Variants in DPP10 observed in about 807,000 individuals in gnomAD.
DPP10 encodes the protein inactive dipeptidyl peptidase 10.
Under a neutral mutation model 120.9 loss-of-function variants are expected in DPP10, and 33 were observed. The observed-to-expected ratio is 0.27, with a 90% CI of 0.21 to 0.37. The LOEUF (loss-of-function observed/expected upper bound fraction) is 0.37. DPP10 is among the 10% of genes least tolerant of loss of function. DPP10 has a pLI of 1.00. For synonymous variants in DPP10, 337 were observed against 326.1 expected, an observed-to-expected ratio of 1.03 and a Z score of -0.36; for missense variants, 816 against 942.8, an observed-to-expected ratio of 0.87 and a Z score of 1.76.
intron 7 of DPP10, 116 bp from the exon 8 acceptor site, chr2:115,727,700 C>G (rs2092799228): frequency 3.4e-6 from 4 of 1,171,992 alleles, no homozygotes; most frequent in Non-Finnish European, 4.5e-6. Context: ...ATAAAAACAA[C>G]TTGAAGCCCG....
intron 1 of DPP10, among the ~76,000 whole-genome samples, chr2:114,587,011 GC>G (rs199858705): frequency 4.1e-3 from 626 of 152,118 alleles, no homozygotes; most frequent in Non-Finnish European, 6.0e-3. Context: ...AAATTATACA[GC>G]CTAGGCCGGG....
chr2:114,754,101 G>A (rs973513132), intron 1 of DPP10, among the ~76,000 whole-genome samples: 1 of 152,110 alleles, frequency 6.6e-6, no homozygotes, highest in Non-Finnish European at 1.5e-5. Context: ...GATTGGGAAA[G>A]AAGCTAGAGT....
intron 1 of DPP10, among the ~76,000 whole-genome samples, chr2:114,521,251 G>GACACACACACACACACAC (rs60539029): frequency 2.1e-5 from 3 of 144,506 alleles, no homozygotes; most frequent in East Asian, 2.0e-4. Context: ...CACATGCACA[G>GACACACACACACACACAC]ACACACACAC....
At chr2:114,798,857 G>A (rs1683940029) in intron 1 of DPP10, among the ~76,000 whole-genome samples, 1 of 152,148 alleles carries the variant, frequency 6.6e-6, no homozygotes, top group Non-Finnish European at 1.5e-5. Context: ...GGCTGGGCAT[G>A]GTTGCTCACG....
chr2:115,450,555 A>G (rs1298861132), intron 3 of DPP10, among the ~76,000 whole-genome samples: 1 of 151,976 alleles, frequency 6.6e-6, no homozygotes, highest in East Asian at 1.9e-4. Flanking sequence ...AATATAAGAA[A>G]AGCAACCTTT....
intron 1 of DPP10, among the ~76,000 whole-genome samples, chr2:115,016,120 C>A (rs1037742429): frequency 6.6e-6 from 1 of 152,080 alleles, no homozygotes; most frequent in African/African-American, 2.4e-5. Context: ...CTAAAGTAAC[C>A]AAAACAGCAT....
At position 114,532,296 on chromosome 2, in the gene DPP10, T is replaced by TATATATATATAC. The variant is rs1342125338; in HGVS notation, c.60+89459_60+89460insTATATATATACA. Among the ~76,000 whole-genome samples, 156 of 74,532 alleles carry TATATATATATAC rather than the reference T, an allele frequency of 2.1e-3. 1 individual carries two copies. Among genetic ancestry groups the TATATATATATAC allele is most frequent in the African/African-American group, 3.1e-3 (47 of 15,160 alleles). The allele number at this position is 74,532 out of a possible 152,430, so 48.9% of individuals were successfully genotyped here. On this transcript the variant is annotated intron_variant, in intron 1 of 25. Transcript: ENST00000410059. ...ATATATATATATATATATATATATA[T>TATATATATATAC]ACACACACACACACACACACAGATA...
At chr2:114,530,457 G>A (rs1339381447) in intron 1 of DPP10, among the ~76,000 whole-genome samples, 1 of 152,188 alleles carries the variant, frequency 6.6e-6, no homozygotes, top group African/African-American at 2.4e-5. Flanking sequence ...TCTGTTGGGA[G>A]TTAAGCTGAA....
At chr2:115,068,893 G>A (rs1257534442) in intron 1 of DPP10, among the ~76,000 whole-genome samples, 1 of 152,028 alleles carries the variant, frequency 6.6e-6, no homozygotes, top group Non-Finnish European at 1.5e-5. Context: ...ATTTATTTCT[G>A]GGCTCTCTAT....
chr2:114,785,615 A>G (rs1015825054), intron 1 of DPP10, among the ~76,000 whole-genome samples: 1 of 152,144 alleles, frequency 6.6e-6, no homozygotes, highest in Middle Eastern at 3.2e-3. Flanking sequence ...GTGTCCCCAA[A>G]TCTCAACTCC....
intron 1 of DPP10, among the ~76,000 whole-genome samples, chr2:115,188,193 C>T (rs754402958): frequency 2.6e-5 from 4 of 152,120 alleles, no homozygotes; most frequent in African/African-American, 7.2e-5. Context: ...ATTCAGCAGA[C>T]TACCTTTTGA....
At chr2:114,547,732 A>T (rs918816116) in intron 1 of DPP10, among the ~76,000 whole-genome samples, 2 of 152,220 alleles carry the variant, frequency 1.3e-5, no homozygotes, top group African/African-American at 4.8e-5. Context: ...GAGATTGTTT[A>T]ACTGCTTACA....
intron 1 of DPP10, among the ~76,000 whole-genome samples, chr2:115,280,285 A>C (rs1489748469): frequency 6.6e-6 from 1 of 152,200 alleles, no homozygotes; most frequent in Non-Finnish European, 1.5e-5. Flanking sequence ...TGTAGGTAAA[A>C]ATGTCAGTAA....
chr2:114,845,328 A>T (rs1688459942), intron 1 of DPP10, among the ~76,000 whole-genome samples: 1 of 152,166 alleles, frequency 6.6e-6, no homozygotes, highest in African/African-American at 2.4e-5. Flanking sequence ...TAATATGCAT[A>T]TGTGGGGACA....
intron 1 of DPP10, among the ~76,000 whole-genome samples, chr2:114,534,998 A>G (rs1686361962): frequency 6.6e-6 from 1 of 151,974 alleles, no homozygotes; most frequent in African/African-American, 2.4e-5. Context: ...TCTCGGCTCT[A>G]TCAAGTTACT....
chr2:114,905,708 C>A (rs1364416713), intron 1 of DPP10, among the ~76,000 whole-genome samples: 2 of 152,110 alleles, frequency 1.3e-5, no homozygotes, highest in Non-Finnish European at 1.5e-5. Context: ...GAATATAAAT[C>A]ATTCTATTTT....
chr2:115,732,074 C>T (rs911280144), intron 8 of DPP10, among the ~76,000 whole-genome samples: 8 of 152,022 alleles, frequency 5.3e-5, no homozygotes, highest in African/African-American at 1.7e-4. Flanking sequence ...GTAATTTCAA[C>T]GTTATGTGTG....
chr2:115,565,934 C>T (rs769727606), intron 5 of DPP10, among the ~76,000 whole-genome samples: 2 of 151,840 alleles, frequency 1.3e-5, no homozygotes, highest in Non-Finnish European at 2.9e-5. Context: ...TATAGGCATG[C>T]GCCACCAAGC....
At chr2:115,120,724 T>C (rs371091594) in intron 1 of DPP10, among the ~76,000 whole-genome samples, 5 of 152,222 alleles carry the variant, frequency 3.3e-5, no homozygotes, top group Admixed American at 6.5e-5. Context: ...ATGACTTACA[T>C]AGGTCACCTA....
Sources: allele counts gnomAD v4.1 joint callset (sites outside exome capture counted in the v4.1 genomes callset), GRCh38; gene constraint gnomAD v4.1.1; transcripts MANE v1.5; gene names NCBI Gene and HGNC (gene_info 2026-07-23, HGNC 2026-07-21).